Variants in PWWP2B observed in about 807,000 individuals in gnomAD.
PWWP2B encodes PWWP domain containing 2B, also known as PWWP domain-containing protein 2B.
Under a neutral mutation model 15.5 loss-of-function variants are expected in PWWP2B, and 9 were observed. That is an observed-to-expected ratio of 0.58 (90% CI 0.35 to 1.02). The LOEUF is 1.02. Ranked by LOEUF, PWWP2B falls within the 50% of genes least tolerant of loss-of-function variation. The pLI, the probability that PWWP2B is intolerant of heterozygous loss-of-function variation, is 0.02. For synonymous variants in PWWP2B, 474 were observed against 403.6 expected, an observed-to-expected ratio of 1.17 and a Z score of -2.09; for missense variants, 864 against 865.3, an observed-to-expected ratio of 1.00 and a Z score of 0.02.
chr10:132,398,928 G>T (rs1327999955), intron 1 of PWWP2B, among the ~76,000 whole-genome samples: 3 of 110,702 alleles, frequency 2.7e-5, no homozygotes, highest in Admixed American at 1.7e-4. Flanking sequence ...CCGACCCCCA[G>T]TCCTGAGGCT....
intron 1 of PWWP2B, among the ~76,000 whole-genome samples, chr10:132,398,671 G>C (rs933184600): frequency 6.6e-6 from 1 of 151,710 alleles, no homozygotes; most frequent in Non-Finnish European, 1.5e-5. Context: ...TGGCTAACCT[G>C]GTTTGCAAAT....
rs776237369 is a variant in PWWP2B, at chr10:132,405,153, C to T, written c.653C>T (p.Pro218Leu). 5.2e-5 allele frequency: 81 copies of T among 1,546,578 alleles called. No homozygotes were observed. Among genetic ancestry groups the T allele is most frequent in the Non-Finnish European group, 6.0e-5 (69 of 1,145,420 alleles). The change falls in exon 2 of 3, where the codon CCG becomes CTG. Residue 218 changes from proline (P) to leucine (L), a missense_variant. Transcript: ENST00000305233. ...AGGGAGCTCCGCAAGCCGGAGGAGC[C>T]GGAGAACGGCGAGCCCACGGCTGCG... ...PDRELRKPEEPENGEPTAAAT... is the reference protein window; with the variant it reads ...PDRELRKPEELENGEPTAAAT...
chr10:132,410,231 G>A (rs1357327288), intron 2 of PWWP2B, among the ~76,000 whole-genome samples: 3 of 152,124 alleles, frequency 2.0e-5, no homozygotes, highest in African/African-American at 7.2e-5. Context: ...CCTCAGGGGT[G>A]GCTCCAGTTC....
At chr10:132,408,449 C>T (rs1198498780) in intron 2 of PWWP2B, among the ~76,000 whole-genome samples, 1 of 152,204 alleles carries the variant, frequency 6.6e-6, no homozygotes, top group Non-Finnish European at 1.5e-5. Context: ...CCTCTCTGAG[C>T]AGAGGCTGAG....
In PWWP2B at chr10:132,406,258, C is replaced by G; in HGVS notation, c.1758C>G (p.Thr586=). Residue 586 remains threonine (T), a synonymous_variant, in exon 2 of 3, where the codon ACC becomes ACG. Transcript: ENST00000305233. ...HVAPEIRELL[T]QFET ...CCCCGGAAATCAGGGAGCTCTTAAC[C>G]CAGTTTGAAACGTAACTGGTTCCCT... is the stretch of plus-strand genomic sequence containing the variant. The G allele has an allele frequency of 6.2e-7, 1 of 1,609,232 alleles. No homozygotes were observed. The highest frequency in any genetic ancestry group is 8.5e-7 in the Non-Finnish European group (1 of 1,177,156).
At chr10:132,416,291 G>C (rs1490373525) in intron 2 of PWWP2B, among the ~76,000 whole-genome samples, 3 of 152,156 alleles carry the variant, frequency 2.0e-5, no homozygotes, top group Admixed American at 2.0e-4. Context: ...GGCTCTGCAG[G>C]CTCCGCTGCC....
At position 132,398,053 on chromosome 10, in the gene PWWP2B, C is replaced by A. The variant is rs1357469379; in HGVS notation, c.125+702C>A. ...GTGCAGATGAGCCTCCTGGACACCG[C>A]GTCACATGGCAGGGAGCTGTCGCTG... On this transcript the variant is annotated intron_variant, in intron 1 of 2. Transcript: ENST00000305233. Among the ~76,000 whole-genome samples, 6 of 152,294 alleles carry A rather than the reference C, an allele frequency of 3.9e-5. No homozygotes were observed. In the South Asian group the frequency reaches 1.0e-3, roughly 26 times the overall value.
At chr10:132,408,584 C>T (rs1162850612) in intron 2 of PWWP2B, among the ~76,000 whole-genome samples, 2 of 152,216 alleles carry the variant, frequency 1.3e-5, no homozygotes, top group Non-Finnish European at 2.9e-5. Context: ...CGCCCACCGG[C>T]CACCCTGGCC....
At chr10:132,406,780 C>T (rs909068534) in intron 2 of PWWP2B, among the ~76,000 whole-genome samples, 6 of 152,158 alleles carry the variant, frequency 3.9e-5, no homozygotes, top group African/African-American at 1.4e-4. Context: ...GGAGGGAGGG[C>T]GAGGTGAGCT....
chr10:132,414,943 T>G (rs549633185), intron 2 of PWWP2B, among the ~76,000 whole-genome samples: 30 of 152,238 alleles, frequency 2.0e-4, no homozygotes, highest in African/African-American at 6.5e-4. Context: ...AGCCTCCTGC[T>G]CCCCCTGGGA....
intron 1 of PWWP2B, 102 bp from the exon 2 acceptor site, chr10:132,404,524 C>A: frequency 3.0e-6 from 3 of 1,010,130 alleles, no homozygotes; most frequent in Admixed American, 1.9e-5. Flanking sequence ...GCTGCCCAGA[C>A]CTGCCGGAGC....
Position 132,405,359 on chromosome 10 carries a change from C to A in PWWP2B, c.859C>A (p.Gln287Lys), listed in dbSNP as rs545037813. The change falls in exon 2 of 3, where the codon CAG becomes AAG. Residue 287 changes from glutamine (Q) to lysine (K), a missense_variant. Physicochemically the swap from Gln to Lys is moderately conservative, Grantham distance 53 (BLOSUM62 1). Coordinates refer to ENST00000305233, the MANE Select transcript of PWWP2B (RefSeq NM_138499.4). ...GCCCTTCCGTCCCCAGCAGGCCCCG[C>A]AGGACGACGGCAGCCAGGACCCCGA... The part of the protein sequence containing the change: ...LEPFRPQQAP[Q>K]DDGSQDPEVL... 6.2e-7 allele frequency: 1 copy of A among 1,611,298 alleles called. No homozygotes were observed.
At chr10:132,407,361 A>T (rs1484266264) in intron 2 of PWWP2B, among the ~76,000 whole-genome samples, 1 of 152,142 alleles carries the variant, frequency 6.6e-6, no homozygotes. Context: ...CAGGGGCTGT[A>T]CGCAGAGGGC....
chr10:132,403,761 G>A (rs910984804), intron 1 of PWWP2B, among the ~76,000 whole-genome samples: 1 of 152,226 alleles, frequency 6.6e-6, no homozygotes, highest in Non-Finnish European at 1.5e-5. Context: ...TGGCAGCCGC[G>A]GGGCCTTAAT....
In PWWP2B at chr10:132,405,009, G is replaced by A. The variant is rs1461903287; in HGVS notation, c.509G>A (p.Arg170His). 1.9e-6 allele frequency: 3 copies of A among 1,541,766 alleles called. No homozygotes were observed. Among genetic ancestry groups the A allele is most frequent in the East Asian group, 2.4e-5 (1 of 41,620 alleles). ...GGGCGCCTCATCCTCAGCACCATCC[G>A]CCTGCGGCCGCGCCAGGTGCTCTGT... The part of the protein sequence containing the change: ...DPGRLILSTI[R>H]LRPRQVLCEK... The change falls in exon 2 of 3, where the codon CGC (arginine) becomes CAC (histidine). Residue 170 changes from arginine (R) to histidine (H), a missense_variant. Arg to His is a conservative substitution (Grantham distance 29). This residue lies in a region of PWWP2B where 736 missense variants were observed against 687.7 expected (regional missense o/e 1.07). Transcript: ENST00000305233.
rs374731347 is a variant in PWWP2B at position 132,405,422 on chromosome 10, G to A, written c.922G>A (p.Ala308Thr). The change falls in exon 2 of 3, where the codon GCG becomes ACG. Residue 308 changes from alanine to threonine, a missense_variant. Ala to Thr is a moderately conservative substitution (Grantham distance 58, BLOSUM62 0). Transcript: ENST00000305233. ...DRESRDRPSC[A>T]PSASIPKLKL... ...AGAGTCCCGGGACCGGCCGTCCTGC[G>A]CGCCCTCGGCCTCCATCCCCAAGTT... is the stretch of plus-strand genomic sequence containing the variant. 8.7e-6 allele frequency: 14 copies of A among 1,610,160 alleles called. No individual in the cohort carries two copies. Among genetic ancestry groups the A allele is most frequent in the Admixed American group, 5.0e-5 (3 of 59,924 alleles).
intron 1 of PWWP2B, among the ~76,000 whole-genome samples, chr10:132,401,299 C>G (rs1393170765): frequency 6.6e-6 from 1 of 152,250 alleles, no homozygotes; most frequent in Non-Finnish European, 1.5e-5. Flanking sequence ...CTAGCCCTTT[C>G]TCAAAGCAAA....
In PWWP2B at chr10:132,404,980, C is replaced by A. The variant is rs761363374; in HGVS notation, c.480C>A (p.Asp160Glu). 1.9e-6 allele frequency: 3 copies of A among 1,574,354 alleles called. No individual in the cohort carries two copies. Among genetic ancestry groups the A allele is most frequent in the African/African-American group, 1.4e-5 (1 of 73,924 alleles). ...GGCGGCGTCTGTCCCGCAACCGCGACCCGGGGCGCCTCATCCTCAGCACCA... is the reference window on the plus strand; with the variant it reads ...GGCGGCGTCTGTCCCGCAACCGCGAACCGGGGCGCCTCATCCTCAGCACCA... ...RTRRRLSRNR[D>E]PGRLILSTIR... is the part of the protein sequence containing the mutation. The change falls in exon 2 of 3, where the codon GAC (aspartate) becomes GAA (glutamate). Residue 160 changes from aspartate to glutamate, a missense_variant. Asp to Glu is a conservative substitution (Grantham distance 45). This residue lies in a region of PWWP2B where 736 missense variants were observed against 687.7 expected (regional missense o/e 1.07). Coordinates refer to ENST00000305233, the MANE Select transcript of PWWP2B (RefSeq NM_138499.4).
In PWWP2B at chr10:132,417,069, C is replaced by T. The variant is rs376638362; in HGVS notation, c.*25C>T. 1.9e-5 allele frequency: 31 copies of T among 1,613,694 alleles called. No individual in the cohort carries two copies. The highest frequency in any genetic ancestry group is 8.0e-5 in the African/African-American group (6 of 75,030). On this transcript the variant is annotated 3_prime_UTR_variant, in exon 3 of 3. Transcript: ENST00000305233. ...TTTTGCTTTCCCCCAAGGTCACCGA[C>T]GATGAGGGCGCACCTGCTGTCCTGG... is the stretch of plus-strand genomic sequence containing the variant.
Sources: allele counts gnomAD v4.1 joint callset (sites outside exome capture counted in the v4.1 genomes callset), GRCh38; gene constraint gnomAD v4.1.1; regional missense constraint gnomAD v4.1.1; transcripts MANE v1.5; gene names NCBI Gene and HGNC (gene_info 2026-07-23, HGNC 2026-07-21).